The following POLD1 variants were observed in gnomAD, a reference collection of about 807,000 sequenced individuals.
POLD1 encodes the protein DNA polymerase delta catalytic subunit.
A neutral mutation model predicts 129.7 loss-of-function variants in POLD1; 79 were observed. The observed-to-expected ratio is 0.61, with a 90% CI of 0.51 to 0.73. The LOEUF (loss-of-function observed/expected upper bound fraction) is 0.73. Ranked by LOEUF, POLD1 falls within the 30% of genes least tolerant of loss-of-function variation. The probability of loss-of-function intolerance (pLI) is 0.00; values close to 1 mark genes in which losing one functional copy is unlikely to be tolerated. For synonymous variants in POLD1, 714 were observed against 683.3 expected (o/e 1.04, Z -0.70); for missense variants, 1,338 against 1,595.8 (o/e 0.84, Z 2.75).
rs866494171 is a variant in POLD1 at position 50,413,854 on chromosome 19, C to T, written c.2363C>T (p.Ser788Leu). The change falls in exon 19 of 27, where the codon TCG becomes TTG. Residue 788 changes from serine to leucine, a missense_variant. Around this residue, in one of 3 missense-constraint regions of POLD1, gnomAD observed 720 missense variants for 1,002.6 expected, o/e 0.72. Coordinates refer to ENST00000440232, the MANE Select transcript of POLD1 (RefSeq NM_002691.4). ...GACTGGGTGTCAGGTCACTTCCCGT[C>T]GCCCATCCGGCTGGAGTTTGAGAAG... ...AADWVSGHFP[S>L]PIRLEFEKVY... The T allele has an allele frequency of 3.7e-6, 6 of 1,607,390 alleles. No homozygotes were observed. The highest frequency in any genetic ancestry group is 1.1e-5 in the South Asian group (1 of 90,292).
chr19:50,416,425 G>A lies in POLD1; in HGVS notation c.2850G>A (p.Leu950=), dbSNP rs1362844961. The change falls in exon 23 of 27, where the codon CTG becomes CTA. Residue 950 remains leucine, a synonymous_variant. Transcript: ENST00000440232. The part of the protein sequence containing the change: ...EDPLFVLEHS[L]PIDTQYYLEQ... ...CGCTGTTCGTGCTGGAGCACAGCCT[G>A]CCCATTGACACGCAGTACTACCTGG... 1 of 1,549,808 alleles carries A rather than the reference G, an allele frequency of 6.5e-7. No individual in the cohort carries two copies. The highest frequency in any genetic ancestry group is 1.2e-5 in the South Asian group (1 of 84,054).
In POLD1 at chr19:50,398,887, G is replaced by A. The variant is rs775717328; in HGVS notation, c.36G>A (p.Gly12=). 1.9e-6 allele frequency: 3 copies of A among 1,607,124 alleles called. No individual in the cohort carries two copies. The highest frequency in any genetic ancestry group is 2.7e-5 in the African/African-American group (2 of 74,840). Residue 12 remains glycine, a synonymous_variant, in exon 2 of 27, where the codon GGG becomes GGA. Transcript: ENST00000440232. ...AGCGGCGGCCAGGCCCAGGGCCCGGGGTGCCCCCAAAGCGGGCCCGTGGGG... is the reference window on the plus strand; with the variant it reads ...AGCGGCGGCCAGGCCCAGGGCCCGGAGTGCCCCCAAAGCGGGCCCGTGGGG... ...DGKRRPGPGP[G]VPPKRARGGL...
At chr19:50,399,230 A>G (rs1273632789) in intron 2 of POLD1, 141 bp from the exon 3 acceptor site, 1 of 1,140,400 alleles carries the variant, frequency 8.8e-7, no homozygotes, top group African/African-American at 1.6e-5. Context: ...TCTGGCCCTG[A>G]CCCTTGACCC....
rs1194232283 is a variant in POLD1 at position 50,399,063 on chromosome 19, G to A, written c.202+10G>A. 6.4e-7 allele frequency: 1 copy of A among 1,551,046 alleles called. No individual in the cohort carries two copies. Among genetic ancestry groups the A allele is most frequent in the East Asian group, 2.4e-5 (1 of 41,000 alleles). ...GAGGGGGTTGCAGACGGTAAGGCTT[G>A]GAGTTGGAGGTTCCTGCTGCCCAAC... On this transcript the variant is annotated intron_variant, in intron 2 of 26. Coordinates refer to ENST00000440232, the MANE Select transcript of POLD1 (RefSeq NM_002691.4).
chr19:50,395,678 G>A (rs1033917112), intron 1 of POLD1, among the ~76,000 whole-genome samples: 1 of 151,804 alleles, frequency 6.6e-6, no homozygotes, highest in South Asian at 2.1e-4. Context: ...TTGCATGGAT[G>A]TTTCTTATCT....
intron 1 of POLD1, among the ~76,000 whole-genome samples, chr19:50,391,436 C>T (rs929464789): frequency 6.6e-6 from 1 of 152,240 alleles, no homozygotes; most frequent in African/African-American, 2.4e-5. Context: ...GAGACTCCGT[C>T]TGCAATCCCG....
At chr19:50,402,420 C>A (rs375678038) in intron 6 of POLD1, 34 bp from the exon 7 acceptor site, 3 of 1,613,014 alleles carry the variant, frequency 1.9e-6, no homozygotes, top group Admixed American at 3.3e-5. Flanking sequence ...CACCCTCGGG[C>A]AGCCCCTGTC....
chr19:50,406,913 C>A lies in POLD1; in HGVS notation c.1495-70C>A, dbSNP rs577424130. 4 of 1,306,772 alleles carry A rather than the reference C, an allele frequency of 3.1e-6. No individual in the cohort carries two copies. The highest frequency in any genetic ancestry group is 2.3e-5 in the East Asian group (1 of 42,604). The allele number at this position is 1,306,772 out of a possible 1,614,324, so 80.9% of individuals were successfully genotyped here. On this transcript the variant is annotated intron_variant, in intron 12 of 26. Coordinates refer to ENST00000440232, the MANE Select transcript of POLD1 (RefSeq NM_002691.4). The surrounding 1 kb of genome is among the most constrained non-coding windows in gnomAD (Gnocchi z 5.5). ...CCCCAGGCTACCTCACCCTGACCCC[C>A]ACTTCCTTCTCCTGCTCCACCTCCC...
chr19:50,406,878 C>T lies in POLD1; in HGVS notation c.1495-105C>T, dbSNP rs559203182. The T allele has an allele frequency of 2.1e-3, 2,005 of 973,396 alleles. 2 individuals are homozygous for T. Among genetic ancestry groups the T allele is most frequent in the Non-Finnish European group, 2.8e-3 (1,814 of 653,732 alleles). 60.3% of individuals were successfully genotyped at this position (973,396 alleles called of 1,614,324 possible). ...GAGGGCCCTCCTGCCCGCCTCACCT[C>T]CCAGGCCCTCCCCAGGCTACCTCAC... On this transcript the variant is annotated intron_variant, in intron 12 of 26. Transcript: ENST00000440232. This position sits in a 1 kb window ranked among gnomAD's most constrained non-coding sequence, Gnocchi z 5.5.
intron 1 of POLD1, 130 bp from the exon 2 acceptor site, chr19:50,398,721 A>T: frequency 7.0e-7 from 1 of 1,425,486 alleles, no homozygotes; most frequent in African/African-American, 1.4e-5. Context: ...GGGTGCAGAG[A>T]GCTATGTTAG....
intron 1 of POLD1, chr19:50,387,652 T>C: frequency 6.6e-6 from 1 of 152,656 alleles, no homozygotes; most frequent in Middle Eastern, 3.4e-3. Flanking sequence ...CCTTCCTTCC[T>C]CCTCCAGCTT....
At chr19:50,416,299 C>A in intron 22 of POLD1, 97 bp from the exon 23 acceptor site, 1 of 1,289,258 alleles carries the variant, frequency 7.8e-7, no homozygotes, top group Non-Finnish European at 1.1e-6. Flanking sequence ...AGCCCGCAGG[C>A]AGGCCTAGGC....
At chr19:50,401,639 G>C in intron 3 of POLD1, 139 bp from the exon 4 acceptor site, 1 of 876,138 alleles carries the variant, frequency 1.1e-6, no homozygotes, top group African/African-American at 1.7e-5. Flanking sequence ...AACCAGGGGG[G>C]AGGCTGAAAT....
rs200223314 is a variant in POLD1, at chr19:50,396,094, T to G, written c.-1-2757T>G. 2.7e-3 allele frequency among the ~76,000 whole-genome samples: 264 copies of G among 99,408 alleles called. 9 individuals carry two copies. The East Asian group carries it at 0.054, about 20-fold the overall frequency. 65.2% of individuals were successfully genotyped at this position (99,408 alleles called of 152,430 possible). On this transcript the variant is annotated intron_variant, in intron 1 of 26. Transcript: ENST00000440232. ...TGTTGTTGGTGGTGGTTTTTTTTTG[T>G]TTTTTTTTTTGAGACAGAATATTGC...
chr19:50,398,467 G>T (rs2038450337), intron 1 of POLD1, among the ~76,000 whole-genome samples: 2 of 150,766 alleles, frequency 1.3e-5, no homozygotes, highest in South Asian at 4.2e-4. Flanking sequence ...AGCTACTCGG[G>T]AGGCTGAGGG....
chr19:50,400,211 A>ATTTTTTTTTTTTTTTTTTT (rs549820323), intron 3 of POLD1, among the ~76,000 whole-genome samples: 1 of 67,824 alleles, frequency 1.5e-5, no homozygotes, highest in African/African-American at 6.8e-5. Flanking sequence ...CTGGCCAATA[A>ATTTTTTTTTTTTTTTTTTT]TTTTTTTTTT....
At chr19:50,390,867 A>G (rs375332740) in intron 1 of POLD1, among the ~76,000 whole-genome samples, 1 of 151,614 alleles carries the variant, frequency 6.6e-6, no homozygotes, top group African/African-American at 2.4e-5. Flanking sequence ...GACACAGCAC[A>G]TGTTTCAGAG....
intron 19 of POLD1, 23 bp from the exon 20 acceptor site, chr19:50,414,769 GCTTGGCCTCCTCAGGCTCAGGGT>G (rs746681206): frequency 1.5e-5 from 21 of 1,435,174 alleles, no homozygotes; most frequent in Non-Finnish European, 1.9e-5. Context: ...CCAGATTGGG[GCTTGGCCTCCTCAGGCTCAGGGT>G]CTTGGCCATG....
Position 50,410,160 on chromosome 19 carries a change from C to T in POLD1, c.2154+494C>T, listed in dbSNP as rs575499265. On this transcript the variant is annotated intron_variant, in intron 17 of 26. Transcript: ENST00000440232. ...GGCAGCGTCCCGGTCTGCCTACCCA[C>T]GGCAGCTCTGCTGCTTGAACAGAAA... is the stretch of plus-strand genomic sequence containing the variant. Among the ~76,000 whole-genome samples the T allele has an allele frequency of 4.6e-5, 7 of 152,296 alleles. No homozygotes were observed. The South Asian group carries it at 1.4e-3, about 32-fold the overall frequency.
Sources: gnomAD v4.1 joint callset for allele counts (sites outside exome capture counted in the v4.1 genomes callset) on GRCh38, gnomAD v4.1.1 for gene constraint, gnomAD v4.1.1 regional missense constraint, Gnocchi (gnomAD v3.1) non-coding constraint, MANE v1.5 for transcripts, NCBI Gene and HGNC (gene_info 2026-07-23, HGNC 2026-07-21) for gene names.